PARD3B: variants seen among roughly 807,000 people sequenced by gnomAD.
PARD3B encodes par-3 family cell polarity regulator beta.
Under a neutral mutation model 130.2 loss-of-function variants are expected in PARD3B, and 103 were observed. That is an observed-to-expected ratio of 0.79 (90% confidence interval 0.67 to 0.93). The LOEUF (loss-of-function observed/expected upper bound fraction) is 0.93, where lower values mean the gene tolerates loss of function less well. Ranked by LOEUF, PARD3B falls within the 40% of genes least tolerant of loss-of-function variation. PARD3B has a pLI of 0.00. For synonymous variants in PARD3B, 583 were observed against 553.2 expected, an observed-to-expected ratio of 1.05 and a Z score of -0.76; for missense variants, 1,609 against 1,499.2, an observed-to-expected ratio of 1.07 and a Z score of -1.21.
intron 21 of PARD3B, among the ~76,000 whole-genome samples, chr2:205,513,567 T>A (rs1283870236): frequency 1.3e-5 from 2 of 152,092 alleles, no homozygotes; most frequent in Non-Finnish European, 2.9e-5. Flanking sequence ...GTTAATATCC[T>A]ATCATCAATT....
chr2:204,551,535 C>G (rs549296103), intron 1 of PARD3B, among the ~76,000 whole-genome samples: 4 of 152,266 alleles, frequency 2.6e-5, no homozygotes. Flanking sequence ...CCTGGATCTT[C>G]TCTCCCCTCC....
At chr2:204,984,743 T>C (rs111258291) in intron 3 of PARD3B, among the ~76,000 whole-genome samples, 7,343 of 151,996 alleles carry the variant, frequency 0.048, 214 homozygotes, top group African/African-American at 0.079. Context: ...GAGACTGGAA[T>C]CCCCATTTTC....
chr2:204,950,509 G>A (rs983389233), intron 2 of PARD3B, among the ~76,000 whole-genome samples: 3 of 152,114 alleles, frequency 2.0e-5, no homozygotes, highest in African/African-American at 7.2e-5. Flanking sequence ...GGTGGGAGGA[G>A]GCCAGTGCTG....
rs112137130 is a variant in PARD3B, at chr2:204,673,130, G to T, written c.121-13051G>T. Among the ~76,000 whole-genome samples the T allele has an allele frequency of 7.4e-3, 1,128 of 152,148 alleles. 21 individuals carry two copies. Among genetic ancestry groups the T allele is most frequent in the African/African-American group, 0.026 (1,061 of 41,516 alleles). On this transcript the variant is annotated intron_variant, in intron 1 of 22. Coordinates refer to ENST00000406610, the MANE Select transcript of PARD3B (RefSeq NM_001302769.2). The surrounding 1 kb of genome is among the most constrained non-coding windows in gnomAD (Gnocchi z 4.7). ...ACTTTAAAGCTCATACTTTTTCCAC[G>T]AAGCATTTTGGGGAGTATGCTGAAT...
chr2:205,143,338 T>C (rs1321759918), intron 10 of PARD3B, among the ~76,000 whole-genome samples: 3 of 152,186 alleles, frequency 2.0e-5, no homozygotes, highest in African/African-American at 7.2e-5. Flanking sequence ...TGTGATGGAT[T>C]AATTTGAAAA....
At chr2:205,000,287 G>C (rs1391942653) in intron 3 of PARD3B, among the ~76,000 whole-genome samples, 1 of 152,118 alleles carries the variant, frequency 6.6e-6, no homozygotes, top group Non-Finnish European at 1.5e-5. Context: ...TTTTCAGTGT[G>C]GCCACGGCCT....
At chr2:204,617,702 C>T (rs925677623) in intron 1 of PARD3B, among the ~76,000 whole-genome samples, 1 of 152,166 alleles carries the variant, frequency 6.6e-6, no homozygotes, top group Non-Finnish European at 1.5e-5. Flanking sequence ...CTCCCACTCT[C>T]CACCCTCAAG....
At chr2:205,594,867 A>G (rs536875743) in intron 22 of PARD3B, among the ~76,000 whole-genome samples, 3 of 152,336 alleles carry the variant, frequency 2.0e-5, no homozygotes, top group Non-Finnish European at 2.9e-5. Context: ...TTTGTTTACA[A>G]ATGTATTTGC....
intron 2 of PARD3B, among the ~76,000 whole-genome samples, chr2:204,696,890 A>G (rs2037635709): frequency 2.6e-5 from 4 of 152,138 alleles, no homozygotes; most frequent in Admixed American, 2.6e-4. Context: ...CTCCTTGTGC[A>G]GACTTTAAAT....
Position 205,397,009 on chromosome 2 carries a change from C to T in PARD3B, c.2631-4004C>T, listed in dbSNP as rs906273564. ...TGGAAAGTCACCAAGTTGAATCTTT[C>T]CCCCTCACTCTCTCCCCCGGTCCAC... On this transcript the variant is annotated intron_variant, in intron 18 of 22. Transcript: ENST00000406610. This position sits in a 1 kb window ranked among gnomAD's most constrained non-coding sequence, Gnocchi z 4.8. 3.7e-4 allele frequency among the ~76,000 whole-genome samples: 54 copies of T among 145,510 alleles called. No individual in the cohort carries two copies. Among genetic ancestry groups the T allele is most frequent in the Admixed American group, 1.9e-3 (28 of 14,940 alleles).
intron 1 of PARD3B, among the ~76,000 whole-genome samples, chr2:204,643,136 A>AAAAAAAAAAAAAAAAAAATT: frequency 6.9e-6 from 1 of 145,200 alleles, no homozygotes. Flanking sequence ...AAAAAAAAAA[A>AAAAAAAAAAAAAAAAAAATT]TGTTTGGCAC....
chr2:204,959,612 G>A (rs1294842524), intron 2 of PARD3B, among the ~76,000 whole-genome samples: 2 of 152,164 alleles, frequency 1.3e-5, no homozygotes, highest in Admixed American at 6.5e-5. Flanking sequence ...AAAAGTGTTT[G>A]TTTGTTGTTC....
At chr2:205,535,407 G>A (rs1350097046) in intron 21 of PARD3B, among the ~76,000 whole-genome samples, 3 of 152,138 alleles carry the variant, frequency 2.0e-5, no homozygotes, top group Non-Finnish European at 4.4e-5. Context: ...ACCATCCTTA[G>A]AGATGTGTAC....
In PARD3B at chr2:205,370,275, G is replaced by A. The variant is rs541104625; in HGVS notation, c.2631-30738G>A. On this transcript the variant is annotated intron_variant, in intron 18 of 22. Transcript: ENST00000406610. ...GCAACCAAGTTTTTTATTTCACCAAGTAAAAACATAAATGAAACCCCTCAT... is the reference window on the plus strand; with the variant it reads ...GCAACCAAGTTTTTTATTTCACCAAATAAAAACATAAATGAAACCCCTCAT... Among the ~76,000 whole-genome samples, 59 of 152,230 alleles carry A rather than the reference G, an allele frequency of 3.9e-4. 1 individual carries two copies. Among genetic ancestry groups the A allele is most frequent in the Middle Eastern group, 6.8e-3 (2 of 294 alleles).
intron 22 of PARD3B, among the ~76,000 whole-genome samples, chr2:205,593,672 C>G (rs1035960841): frequency 1.3e-5 from 2 of 152,126 alleles, no homozygotes; most frequent in African/African-American, 2.4e-5. Flanking sequence ...AATTAGAGTC[C>G]CCCTTTTCTG....
At chr2:204,660,457 G>A (rs900886048) in intron 1 of PARD3B, among the ~76,000 whole-genome samples, 6 of 152,104 alleles carry the variant, frequency 3.9e-5, no homozygotes, top group Admixed American at 6.5e-5. Context: ...GCTAAGTTGC[G>A]GGGTGTGGTG....
chr2:205,009,635 C>T (rs1009946018), intron 3 of PARD3B, among the ~76,000 whole-genome samples: 8 of 148,176 alleles, frequency 5.4e-5, no homozygotes, highest in Admixed American at 1.4e-4. Context: ...TGCGCCACTG[C>T]ACTCCAGCCT....
At chr2:205,025,998 G>A (rs975946853) in intron 3 of PARD3B, among the ~76,000 whole-genome samples, 2 of 152,064 alleles carry the variant, frequency 1.3e-5, no homozygotes, top group Admixed American at 6.5e-5. Flanking sequence ...TACAGCCCGC[G>A]GTACGCTAGG....
intron 15 of PARD3B, among the ~76,000 whole-genome samples, chr2:205,205,731 T>C (rs557866494): frequency 5.9e-5 from 9 of 152,364 alleles, no homozygotes; most frequent in Admixed American, 1.3e-4. Flanking sequence ...TGGTTCCGTT[T>C]ATGTGAAGGA....
Sources: gnomAD v4.1 joint callset for allele counts (sites outside exome capture counted in the v4.1 genomes callset) on GRCh38, gnomAD v4.1.1 for gene constraint, Gnocchi (gnomAD v3.1) non-coding constraint, MANE v1.5 for transcripts, NCBI Gene and HGNC (gene_info 2026-07-23, HGNC 2026-07-21) for gene names.